Variants in DIPK1A observed in about 807,000 individuals in gnomAD.
DIPK1A encodes the protein family with sequence similarity 69 member A.
DIPK1A carries 27 observed loss-of-function variants against 40.8 expected under a neutral mutation model. That is an observed-to-expected ratio of 0.66 (90% CI 0.49 to 0.91). The LOEUF is 0.91. DIPK1A is among the 40% of genes least tolerant of loss of function. The probability of loss-of-function intolerance (pLI) is 0.00; values close to 1 mark genes in which losing one functional copy is unlikely to be tolerated. For missense variants in DIPK1A, 412 were observed against 505.7 expected, an observed-to-expected ratio of 0.81 and a Z score of 1.78; for synonymous variants, 166 against 171.3, an observed-to-expected ratio of 0.97 and a Z score of 0.24.
At chr1:92,886,932 C>A (rs1333808672) in intron 1 of DIPK1A, among the ~76,000 whole-genome samples, 1 of 151,904 alleles carries the variant, frequency 6.6e-6, no homozygotes, top group African/African-American at 2.4e-5. Flanking sequence ...GTAACAGAGA[C>A]AATATGGCCA....
chr1:92,865,162 G>C (rs1378900779), intron 2 of DIPK1A, among the ~76,000 whole-genome samples: 1 of 151,810 alleles, frequency 6.6e-6, no homozygotes, highest in East Asian at 1.9e-4. Context: ...AGGAGTTGGA[G>C]ATCAGCCTGG....
chr1:92,947,093 A>G (rs1396178756), intron 1 of DIPK1A, among the ~76,000 whole-genome samples: 1 of 152,160 alleles, frequency 6.6e-6, no homozygotes, highest in African/African-American at 2.4e-5. Flanking sequence ...TATTCTATGT[A>G]AAACTACGAC....
intron 1 of DIPK1A, among the ~76,000 whole-genome samples, chr1:92,893,047 G>T (rs1284262602): frequency 6.6e-6 from 1 of 152,086 alleles, no homozygotes. Flanking sequence ...GAAAGTGACG[G>T]GGAGAATGGA....
At chr1:92,833,240 C>T in intron 4 of DIPK1A, 1 of 691,092 alleles carries the variant, frequency 1.4e-6, no homozygotes, top group Non-Finnish European at 2.6e-6. Context: ...ATTCTTGACC[C>T]TAGTTGCTTG....
At chr1:92,901,054 T>G (rs953977727) in intron 1 of DIPK1A, among the ~76,000 whole-genome samples, 4 of 152,088 alleles carry the variant, frequency 2.6e-5, no homozygotes, top group African/African-American at 9.7e-5. Context: ...TGGTACAGTC[T>G]CTGTGTAGCT....
intron 1 of DIPK1A, among the ~76,000 whole-genome samples, chr1:92,892,664 G>A (rs1430814990): frequency 2.6e-5 from 4 of 152,192 alleles, no homozygotes; most frequent in Non-Finnish European, 5.9e-5. Context: ...TGACTTTGAC[G>A]AGTTGAGAGA....
chr1:92,949,662 AAG>A, intron 1 of DIPK1A, among the ~76,000 whole-genome samples: 1 of 152,330 alleles, frequency 6.6e-6, no homozygotes, highest in African/African-American at 2.4e-5. Context: ...CTATAGAAGT[AAG>A]AGGCATAGTA....
At chr1:92,839,077 T>C (rs1161988773), downstream of DIPK1A, among the ~76,000 whole-genome samples, 2 of 145,624 alleles carry the variant, frequency 1.4e-5, no homozygotes, top group Non-Finnish European at 3.0e-5. Flanking sequence ...AAAATTGCCC[T>C]GGCGGGGCAT....
intron 1 of DIPK1A, among the ~76,000 whole-genome samples, chr1:92,944,060 CAA>C (rs989299761): frequency 2.6e-5 from 4 of 151,742 alleles, no homozygotes; most frequent in African/African-American, 9.7e-5. Context: ...TAAAAAGAAA[CAA>C]ATAACTTTTA....
At chr1:92,868,619 CCTTA>C (rs1277857949) in intron 2 of DIPK1A, among the ~76,000 whole-genome samples, 2 of 152,028 alleles carry the variant, frequency 1.3e-5, no homozygotes, top group Non-Finnish European at 2.9e-5. Flanking sequence ...CTTGTCAGTA[CCTTA>C]TTTATTTACT....
downstream of DIPK1A, among the ~76,000 whole-genome samples, chr1:92,839,751 A>T (rs1687277567): frequency 6.6e-6 from 1 of 152,166 alleles, no homozygotes; most frequent in Admixed American, 6.5e-5. Context: ...GAAGCGCAAT[A>T]TTTGTTTCTG....
At chr1:92,871,574 A>G (rs1049880465) in intron 2 of DIPK1A, among the ~76,000 whole-genome samples, 1 of 152,214 alleles carries the variant, frequency 6.6e-6, no homozygotes, top group Non-Finnish European at 1.5e-5. Flanking sequence ...TGAATTATCA[A>G]AGTCTAAAGT....
intron 1 of DIPK1A, among the ~76,000 whole-genome samples, chr1:92,941,532 T>G (rs1651149522): frequency 6.6e-6 from 1 of 152,210 alleles, no homozygotes; most frequent in Non-Finnish European, 1.5e-5. Context: ...TTTCTCGACA[T>G]TCACTATCTT....
chr1:92,911,224 T>C (rs1206900745), intron 1 of DIPK1A, among the ~76,000 whole-genome samples: 6 of 152,150 alleles, frequency 3.9e-5, no homozygotes, highest in Non-Finnish European at 7.4e-5. Flanking sequence ...GACTAAAACA[T>C]GGGGGCAGAG....
chr1:92,911,928 C>A (rs1649843368), intron 1 of DIPK1A, among the ~76,000 whole-genome samples: 4 of 146,184 alleles, frequency 2.7e-5, no homozygotes. Flanking sequence ...CACTTGAACC[C>A]AGGAGGCAGA....
chr1:92,944,170 AAGTAC>A (rs1651277252), intron 1 of DIPK1A, among the ~76,000 whole-genome samples: 1 of 152,110 alleles, frequency 6.6e-6, no homozygotes, highest in African/African-American at 2.4e-5. Context: ...TCAACAATGA[AAGTAC>A]ATGAATAAAA....
chr1:92,853,661 T>G (rs1687893632), intron 2 of DIPK1A, among the ~76,000 whole-genome samples: 1 of 152,238 alleles, frequency 6.6e-6, no homozygotes, highest in Non-Finnish European at 1.5e-5. Flanking sequence ...TGCTCAGTCA[T>G]AGCTATTATT....
chr1:92,860,045 C>T (rs1328245885), intron 2 of DIPK1A, among the ~76,000 whole-genome samples: 1 of 152,106 alleles, frequency 6.6e-6, no homozygotes, highest in Non-Finnish European at 1.5e-5. Context: ...ATAAATATTA[C>T]AAATGAATGA....
intron 2 of DIPK1A, among the ~76,000 whole-genome samples, chr1:92,861,321 CTTTT>C (rs71230876): frequency 2.8e-4 from 23 of 83,542 alleles, no homozygotes; most frequent in South Asian, 5.1e-4. Context: ...CTCTCTCTCT[CTTTT>C]TTTTTTTTTT....
Sources: allele counts gnomAD v4.1 joint callset (sites outside exome capture counted in the v4.1 genomes callset), GRCh38; gene constraint gnomAD v4.1.1; transcripts MANE v1.5; gene names NCBI Gene and HGNC (gene_info 2026-07-23, HGNC 2026-07-21).